Variants in CACNA1C observed in about 807,000 individuals in gnomAD.
CACNA1C encodes the protein calcium voltage-gated channel subunit alpha1 C, also known as voltage-dependent L-type calcium channel subunit alpha-1C.
In CACNA1C, 30 loss-of-function variants were observed where a neutral mutation model predicts 229.0. That is an observed-to-expected ratio of 0.13 (90% CI 0.10 to 0.18). The LOEUF (loss-of-function observed/expected upper bound fraction) is 0.18, where lower values mean the gene tolerates loss of function less well. Ranked by LOEUF, CACNA1C falls within the 10% of genes least tolerant of loss-of-function variation. The probability of loss-of-function intolerance (pLI) is 1.00; values close to 1 mark genes in which losing one functional copy is unlikely to be tolerated. For missense variants in CACNA1C, 1,658 were observed against 2,845.0 expected, an observed-to-expected ratio of 0.58 and a Z score of 9.49; for synonymous variants, 1,114 against 1,132.5, an observed-to-expected ratio of 0.98 and a Z score of 0.33.
chr12:2,163,221 A>G (rs984680843), intron 3 of CACNA1C, among the ~76,000 whole-genome samples: 1 of 149,550 alleles, frequency 6.7e-6, no homozygotes, highest in African/African-American at 2.5e-5. Context: ...AAAAAAAAAA[A>G]GTGACCACTG....
At chr12:2,088,749 A>T (rs2068756865) in intron 1 of CACNA1C, among the ~76,000 whole-genome samples, 1 of 152,090 alleles carries the variant, frequency 6.6e-6, no homozygotes, top group South Asian at 2.1e-4. Flanking sequence ...GCGGAGAAGG[A>T]CCTTCCCACT....
At position 2,676,304 on chromosome 12, in the gene CACNA1C, T is replaced by TTTGGAGGGACAGGTAG. The variant is rs537793899; in HGVS notation, c.4829-789_4829-774dup. ...TCATCACTGCTATGGATGTGGCTAT[T>TTTGGAGGGACAGGTAG]TTGGAGGGACAGGTAGGAGGAGGAG... On this transcript the variant is annotated intron_variant, in intron 39 of 46. Transcript: ENST00000399655. 2.2e-3 allele frequency: 332 copies of TTTGGAGGGACAGGTAG among 152,254 alleles called. 2 individuals carry two copies. The highest frequency in any genetic ancestry group is 7.8e-3 in the African/African-American group (323 of 41,514). The allele number at this position is 152,254 out of a possible 1,614,324, so 9.4% of individuals were successfully genotyped here.
Position 2,053,693 on chromosome 12 carries a change from CG to C in CACNA1C, c.49+86del. 1.7e-6 allele frequency: 2 copies of C among 1,202,590 alleles called. No individual in the cohort carries two copies. The highest frequency in any genetic ancestry group is 5.3e-5 in the East Asian group (1 of 18,844). 74.5% of individuals were successfully genotyped at this position (1,202,590 alleles called of 1,614,324 possible). ...GCCCTACCCGCGCTCCCCGCGGCCC[CG>C]GGGCCGGTCCCTGCGGAGTGGCCCG... On this transcript the variant is annotated intron_variant, in intron 1 of 46. Transcript: ENST00000399655. This position sits in a 1 kb window ranked among gnomAD's most constrained non-coding sequence, Gnocchi z 5.8.
chr12:1,984,909 C>T (rs1261486369), intron 1 of CACNA1C, among the ~76,000 whole-genome samples: 1 of 150,122 alleles, frequency 6.7e-6, no homozygotes, highest in Non-Finnish European at 1.5e-5. Context: ...TCTTTTATTT[C>T]CAAACTTGAA....
Position 2,545,025 on chromosome 12 carries a change from A to T in CACNA1C, c.1391-4918A>T, listed in dbSNP as rs533288592. Among the ~76,000 whole-genome samples, 6 of 152,296 alleles carry T rather than the reference A, an allele frequency of 3.9e-5. No homozygotes were observed. The East Asian group carries it at 1.2e-3, about 29-fold the overall frequency. On this transcript the variant is annotated intron_variant, in intron 9 of 46. Transcript: ENST00000399655. ...CATACTAACAGACCACTAAACAGTG[A>T]TCATGACCTTTTTTGGTGTAAGTTT...
intron 3 of CACNA1C, among the ~76,000 whole-genome samples, chr12:2,190,019 A>G (rs1448260795): frequency 6.6e-6 from 1 of 152,200 alleles, no homozygotes; most frequent in Non-Finnish European, 1.5e-5. Flanking sequence ...ACGTTAAAGG[A>G]ATAGCACAGC....
At chr12:2,565,084 A>G (rs1486067285) in intron 11 of CACNA1C, among the ~76,000 whole-genome samples, 4 of 152,176 alleles carry the variant, frequency 2.6e-5, no homozygotes, top group Non-Finnish European at 5.9e-5. Context: ...CGCCTCCACC[A>G]TAGAATCTTA....
intron 3 of CACNA1C, among the ~76,000 whole-genome samples, chr12:2,393,142 C>T (rs539148279): frequency 6.6e-6 from 1 of 152,312 alleles, no homozygotes; most frequent in African/African-American, 2.4e-5. Context: ...GCTAAGGCTG[C>T]AGCTTCATCT....
At chr12:1,976,015 A>G (rs1231450352) in intron 1 of CACNA1C, among the ~76,000 whole-genome samples, 4 of 152,186 alleles carry the variant, frequency 2.6e-5, no homozygotes, top group Non-Finnish European at 5.9e-5. Flanking sequence ...AGAAAAATAG[A>G]AATACGAAAT....
In CACNA1C at chr12:2,260,934, T is replaced by TA. The variant is rs985465123; in HGVS notation, c.477+140510dup. Reference sequence around the variant, plus strand: ...TGTATTAGAAATCAACTTAATTCATTAAAAAACCGATTGTGGCCAGGTGGT... The same window carrying TA: ...TGTATTAGAAATCAACTTAATTCATTAAAAAAACCGATTGTGGCCAGGTGGT... On this transcript the variant is annotated intron_variant, in intron 3 of 46. Coordinates refer to ENST00000399655, the MANE Select transcript of CACNA1C (RefSeq NM_000719.7). Among the ~76,000 whole-genome samples, 5 of 152,192 alleles carry TA rather than the reference T, an allele frequency of 3.3e-5. 1 individual carries two copies. The East Asian group carries it at 9.7e-4, about 29-fold the overall frequency.
intron 34 of CACNA1C, among the ~76,000 whole-genome samples, chr12:2,661,538 A>G (rs1318879880): frequency 2.6e-5 from 4 of 152,178 alleles, no homozygotes; most frequent in African/African-American, 9.7e-5. Context: ...CCAAGGTTCA[A>G]TATTTTTATT....
chr12:2,137,608 A>G (rs2093674171), intron 3 of CACNA1C, among the ~76,000 whole-genome samples: 1 of 151,266 alleles, frequency 6.6e-6, no homozygotes, highest in Non-Finnish European at 1.5e-5. Flanking sequence ...GCAAAGTGCC[A>G]TATAAACATA....
intron 1 of CACNA1C, among the ~76,000 whole-genome samples, chr12:2,105,554 C>T (rs1001614796): frequency 4.6e-5 from 7 of 152,080 alleles, no homozygotes; most frequent in African/African-American, 1.7e-4. Flanking sequence ...TGGCGGCGGG[C>T]GCATCGGGAA....
intron 3 of CACNA1C, among the ~76,000 whole-genome samples, chr12:2,383,023 A>G (rs757421877): frequency 2.0e-5 from 3 of 152,188 alleles, no homozygotes; most frequent in Non-Finnish European, 2.9e-5. Context: ...AATGCACTCT[A>G]GATCAGCTGG....
intron 9 of CACNA1C, among the ~76,000 whole-genome samples, chr12:2,525,538 C>T (rs1177369804): frequency 6.6e-6 from 1 of 152,190 alleles, no homozygotes; most frequent in African/African-American, 2.4e-5. Context: ...TGACCCTCTG[C>T]CCCTTGGCAT....
At chr12:2,563,345 C>T (rs1324560020) in intron 11 of CACNA1C, among the ~76,000 whole-genome samples, 1 of 152,184 alleles carries the variant, frequency 6.6e-6, no homozygotes, top group African/African-American at 2.4e-5. Context: ...CATAGGAGAA[C>T]ATAGGAGTGC....
intron 1 of CACNA1C, among the ~76,000 whole-genome samples, chr12:2,071,172 C>CCCTGCCTGCCTGCCTGCCTGCCTG (rs767264073): frequency 6.2e-5 from 1 of 16,040 alleles, no homozygotes; most frequent in African/African-American, 3.9e-4. Context: ...CTCCCTCCCT[C>CCCTGCCTGCCTGCCTGCCTGCCTG]CCTGCCTGCC....
intron 1 of CACNA1C, among the ~76,000 whole-genome samples, chr12:1,972,345 T>C (rs939013003): frequency 1.3e-5 from 2 of 152,256 alleles, no homozygotes; most frequent in East Asian, 1.9e-4. Flanking sequence ...CATTCAAATA[T>C]AATGTTTCTT....
chr12:2,177,454 T>C (rs967904703), intron 3 of CACNA1C, among the ~76,000 whole-genome samples: 2 of 152,002 alleles, frequency 1.3e-5, no homozygotes, highest in Non-Finnish European at 2.9e-5. Context: ...TGATTTCCAG[T>C]GTTTCTCTCC....
Sources: gnomAD v4.1 joint callset for allele counts (sites outside exome capture counted in the v4.1 genomes callset) on GRCh38, gnomAD v4.1.1 for gene constraint, Gnocchi (gnomAD v3.1) non-coding constraint, MANE v1.5 for transcripts, NCBI Gene and HGNC (gene_info 2026-07-23, HGNC 2026-07-21) for gene names.